Variants in EYS observed in about 807,000 individuals in gnomAD.
The protein encoded by EYS is EGF-like photoreceptor maintenance factor.
Under a neutral mutation model 282.1 loss-of-function variants are expected in EYS, and 250 were observed. That is an observed-to-expected ratio of 0.89 (90% CI 0.80 to 0.98). The LOEUF (loss-of-function observed/expected upper bound fraction) is 0.98, where lower values mean the gene tolerates loss of function less well. EYS is among the 50% of genes least tolerant of loss of function. EYS has a pLI of 0.00. For synonymous variants in EYS, 1,355 were observed against 1,282.9 expected (o/e 1.06, Z -1.20); for missense variants, 4,016 against 3,709.0 (o/e 1.08, Z -2.15).
At chr6:65,434,622 A>G (rs1768007139) in intron 5 of EYS, among the ~76,000 whole-genome samples, 1 of 152,112 alleles carries the variant, frequency 6.6e-6, no homozygotes, top group Non-Finnish European at 1.5e-5. Context: ...CCCGGCCACA[A>G]AAATTTTTAA....
At chr6:65,201,709 C>G (rs762662022) in intron 12 of EYS, among the ~76,000 whole-genome samples, 3 of 151,956 alleles carry the variant, frequency 2.0e-5, no homozygotes, top group Non-Finnish European at 4.4e-5. Context: ...TCTGTTTTGT[C>G]CTATAACTAT....
intron 12 of EYS, among the ~76,000 whole-genome samples, chr6:65,159,765 A>G (rs887335914): frequency 6.6e-6 from 1 of 150,924 alleles, no homozygotes; most frequent in African/African-American, 2.4e-5. Flanking sequence ...CAAAGACAGA[A>G]TTGTGTTTCT....
intron 31 of EYS, among the ~76,000 whole-genome samples, chr6:64,212,454 T>C (rs548685696): frequency 7.9e-5 from 12 of 152,172 alleles, no homozygotes; most frequent in East Asian, 1.9e-4. Context: ...AAAATACATA[T>C]ATTAAAAATA....
intron 30 of EYS, among the ~76,000 whole-genome samples, chr6:64,293,662 AT>A (rs566648806): frequency 3.0e-4 from 45 of 152,078 alleles, no homozygotes; most frequent in African/African-American, 8.2e-4. Context: ...CTTGTAGTTA[AT>A]TTTTTTTAAC....
chr6:65,373,567 T>C (rs543538092), intron 8 of EYS, among the ~76,000 whole-genome samples: 18 of 152,200 alleles, frequency 1.2e-4, no homozygotes, highest in Middle Eastern at 3.4e-3. Context: ...ATTAATTTTT[T>C]ACAAGTGGAT....
At chr6:65,065,101 G>A (rs1447482746) in intron 12 of EYS, among the ~76,000 whole-genome samples, 2 of 152,126 alleles carry the variant, frequency 1.3e-5, no homozygotes, top group Non-Finnish European at 2.9e-5. Context: ...ATCTAGGCGT[G>A]CTGAGCCTTC....
intron 29 of EYS, among the ~76,000 whole-genome samples, chr6:64,327,154 G>A (rs1316297732): frequency 6.6e-6 from 1 of 152,068 alleles, no homozygotes; most frequent in Non-Finnish European, 1.5e-5. Context: ...GCTCTGAGGT[G>A]AATGTGGGAA....
At chr6:64,223,845 A>C (rs1488007500) in intron 31 of EYS, among the ~76,000 whole-genome samples, 2 of 152,078 alleles carry the variant, frequency 1.3e-5, no homozygotes, top group African/African-American at 4.8e-5. Flanking sequence ...TATAAGATAA[A>C]TCATACTTCC....
intron 5 of EYS, among the ~76,000 whole-genome samples, chr6:65,429,646 C>A (rs1015045900): frequency 3.3e-5 from 5 of 152,098 alleles, no homozygotes; most frequent in South Asian, 4.1e-4. Flanking sequence ...ACACTATAAA[C>A]AAAGTGATAT....
At chr6:63,989,297 G>T (rs968315382) in intron 34 of EYS, among the ~76,000 whole-genome samples, 1 of 151,432 alleles carries the variant, frequency 6.6e-6, no homozygotes, top group African/African-American at 2.4e-5. Flanking sequence ...ATTAAGTTTT[G>T]GAATAAAGGT....
intron 13 of EYS, among the ~76,000 whole-genome samples, chr6:65,038,526 A>T (rs2150147842): frequency 6.6e-6 from 1 of 151,614 alleles, no homozygotes; most frequent in Non-Finnish European, 1.5e-5. Flanking sequence ...ACAATCAATA[A>T]AACTGCTATA....
intron 26 of EYS, among the ~76,000 whole-genome samples, chr6:64,508,592 T>C (rs1240558178): frequency 6.7e-6 from 1 of 148,702 alleles, no homozygotes; most frequent in East Asian, 1.9e-4. Flanking sequence ...TTATTATTAT[T>C]GGGCTTGGAC....
chr6:65,698,894 T>A (rs1224521758), intron 1 of EYS, among the ~76,000 whole-genome samples: 1 of 152,202 alleles, frequency 6.6e-6, no homozygotes, highest in Non-Finnish European at 1.5e-5. Flanking sequence ...ATCTTCCTGA[T>A]ATTATTCAAA....
intron 12 of EYS, among the ~76,000 whole-genome samples, chr6:65,116,895 C>G (rs1775391925): frequency 6.6e-6 from 1 of 152,092 alleles, no homozygotes; most frequent in Non-Finnish European, 1.5e-5. Flanking sequence ...TCCTGCCACC[C>G]TATCAGTTAC....
At chr6:64,380,123 T>TA (rs397814959) in intron 29 of EYS, among the ~76,000 whole-genome samples, 1 of 151,850 alleles carries the variant, frequency 6.6e-6, no homozygotes, top group Admixed American at 6.6e-5. Context: ...ATTTTTTTTT[T>TA]ATTCCAGGCA....
At position 64,220,736 on chromosome 6, in the gene EYS, T is replaced by C. The variant is rs527927897; in HGVS notation, c.6424+9856A>G. Among the ~76,000 whole-genome samples the C allele has an allele frequency of 4.6e-5, 7 of 152,312 alleles. No homozygotes were observed. The South Asian group carries it at 1.0e-3, about 23-fold the overall frequency. On this transcript the variant is annotated intron_variant, in intron 31 of 42. Coordinates refer to ENST00000503581, the MANE Select transcript of EYS (RefSeq NM_001142800.2). ...TCTTTGCATGCTCATTCTAGGGTTC[T>C]ATGAGATTCCATCTTTATATTCATA... is the stretch of plus-strand genomic sequence containing the variant.
intron 11 of EYS, chr6:65,330,705 CATT>C: frequency 1.1e-6 from 1 of 946,848 alleles, no homozygotes; most frequent in Non-Finnish European, 1.3e-6. Context: ...ATAATACTAT[CATT>C]ATTTTGCCTT....
chr6:63,887,935 C>A (rs947486654), intron 35 of EYS, among the ~76,000 whole-genome samples: 7 of 152,170 alleles, frequency 4.6e-5, no homozygotes, highest in African/African-American at 1.2e-4. Flanking sequence ...CTGAAGTTGA[C>A]CTCGGATGCT....
chr6:63,937,444 G>A (rs1397938423), intron 35 of EYS, among the ~76,000 whole-genome samples: 1 of 123,862 alleles, frequency 8.1e-6, no homozygotes, highest in Non-Finnish European at 1.6e-5. Flanking sequence ...GCAGTGGCTC[G>A]ATCTCGGCTC....
Sources: allele counts gnomAD v4.1 joint callset (sites outside exome capture counted in the v4.1 genomes callset), GRCh38; gene constraint gnomAD v4.1.1; transcripts MANE v1.5; gene names NCBI Gene and HGNC (gene_info 2026-07-23, HGNC 2026-07-21).